The following MTUS1 variants were observed in gnomAD, a reference collection of about 807,000 sequenced individuals.
MTUS1 encodes microtubule-associated tumor suppressor 1.
A neutral mutation model predicts 120.8 loss-of-function variants in MTUS1; 109 were observed. The ratio of observed to expected loss-of-function variants is 0.90; its 90% CI spans 0.77 to 1.06. MTUS1 has a LOEUF of 1.06. Among genes scored for constraint, MTUS1 ranks in the 50% least tolerant of loss-of-function variants. The pLI is 0.00. For synonymous variants in MTUS1, 737 were observed against 550.5 expected, an observed-to-expected ratio of 1.34 and a Z score of -4.74; for missense variants, 2,210 against 1,486.3, an observed-to-expected ratio of 1.49 and a Z score of -8.01.
chr8:17,695,283 A>G (rs145623527), intron 6 of MTUS1, among the ~76,000 whole-genome samples: 67 of 152,332 alleles, frequency 4.4e-4, no homozygotes, highest in African/African-American at 1.3e-3. Context: ...GGATCTAACA[A>G]AATTACAGCA....
intron 1 of MTUS1, among the ~76,000 whole-genome samples, chr8:17,788,068 C>T (rs1251814974): frequency 6.6e-6 from 1 of 152,122 alleles, no homozygotes; most frequent in Non-Finnish European, 1.5e-5. Context: ...TTGCAGTGAG[C>T]CGAGATCGTG....
intron 4 of MTUS1, chr8:17,722,521 G>A: frequency 3.0e-6 from 3 of 985,122 alleles, no homozygotes; most frequent in South Asian, 9.4e-5. Context: ...TTAATTGCAA[G>A]TCACATATCC....
In MTUS1 at chr8:17,657,074, A is replaced by G. The variant is rs572781312; in HGVS notation, c.2906-1009T>C. On this transcript the variant is annotated intron_variant, in intron 8 of 14. Coordinates refer to ENST00000693296, the MANE Select transcript of MTUS1 (RefSeq NM_001363059.2). The stretch of plus-strand genomic sequence containing the variant: ...ATTCTGTCTCAAAAAAAAAAAAAAA[A>G]AAAAAAAGAAACAAGTGGACCTTAA... 2.7e-4 allele frequency among the ~76,000 whole-genome samples: 40 copies of G among 150,942 alleles called. 1 individual carries two copies. Among genetic ancestry groups the G allele is most frequent in the African/African-American group, 8.0e-4 (33 of 41,256 alleles).
At position 17,697,548 on chromosome 8, in the gene MTUS1, G is replaced by A. The variant is rs557880509; in HGVS notation, c.2624-13006C>T. 637 of 1,384,290 alleles carry A rather than the reference G, an allele frequency of 4.6e-4. 1 individual carries two copies. The highest frequency in any genetic ancestry group is 5.8e-4 in the Non-Finnish European group (617 of 1,069,354). The allele number at this position is 1,384,290 out of a possible 1,614,324, so 85.8% of individuals were successfully genotyped here. ...AGGCATAGAAGAAAAAAATCCCCCAGGGCTGGCCAAGTGTTTCTGGCTTCC... is the reference window on the plus strand; with the variant it reads ...AGGCATAGAAGAAAAAAATCCCCCAAGGCTGGCCAAGTGTTTCTGGCTTCC... On this transcript the variant is annotated intron_variant, in intron 6 of 14. Coordinates refer to ENST00000693296, the MANE Select transcript of MTUS1 (RefSeq NM_001363059.2).
At chr8:17,727,173 G>A (rs139707796) in intron 3 of MTUS1, among the ~76,000 whole-genome samples, 2 of 152,238 alleles carry the variant, frequency 1.3e-5, no homozygotes, top group Admixed American at 6.5e-5. Context: ...CTTGACTAAT[G>A]AGCAATGAGG....
At chr8:17,769,504 C>T (rs1394362708) in intron 1 of MTUS1, among the ~76,000 whole-genome samples, 3 of 150,690 alleles carry the variant, frequency 2.0e-5, no homozygotes, top group South Asian at 2.1e-4. Flanking sequence ...CCCGCCACCA[C>T]GCCCAGATAA....
rs1340490997 is a variant in MTUS1 at position 17,649,933 on chromosome 8, C to G, written c.3414G>C (p.Gln1138His). The change falls in exon 13 of 15, where the codon CAG becomes CAC. Residue 1138 changes from glutamine (Q) to histidine (H), a missense_variant. Physicochemically the swap from Gln to His is conservative, Grantham distance 24. Transcript: ENST00000693296. Reference sequence around the variant, plus strand: ...ACACAGCTTTCAGGCTTTCTAACTCCTGTTCTAGATACATGATCTGAGGAT... The same window carrying G: ...ACACAGCTTTCAGGCTTTCTAACTCGTGTTCTAGATACATGATCTGAGGAT... ...LKNPQIMYLE[Q>H]ELESLKAVLE... is the part of the protein sequence containing the mutation. 1.9e-6 allele frequency: 3 copies of G among 1,608,522 alleles called. No individual in the cohort carries two copies. Among genetic ancestry groups the G allele is most frequent in the African/African-American group, 2.7e-5 (2 of 74,766 alleles).
chr8:17,736,106 C>T (rs1313658642), intron 3 of MTUS1, among the ~76,000 whole-genome samples: 1 of 152,306 alleles, frequency 6.6e-6, no homozygotes, highest in East Asian at 1.9e-4. Context: ...ACTCTAAGCA[C>T]TTCTTGAATG....
intron 1 of MTUS1, among the ~76,000 whole-genome samples, chr8:17,775,434 C>T (rs385586): frequency 0.24 from 35,707 of 151,880 alleles, 4,593 homozygotes; most frequent in South Asian, 0.52. Context: ...ACCTCAAATG[C>T]TAAATCCTCA....
chr8:17,749,422 GC>G (rs2048015062), intron 2 of MTUS1, among the ~76,000 whole-genome samples: 1 of 152,062 alleles, frequency 6.6e-6, no homozygotes, highest in Non-Finnish European at 1.5e-5. Flanking sequence ...ACTTTGAGAA[GC>G]CGAGGTGGGC....
chr8:17,670,690 G>T (rs1470212002), intron 8 of MTUS1, among the ~76,000 whole-genome samples: 1 of 152,092 alleles, frequency 6.6e-6, no homozygotes, highest in Non-Finnish European at 1.5e-5. Context: ...CAGCATGGTG[G>T]TATGCACCTA....
chr8:17,748,711 C>G (rs74931030), intron 2 of MTUS1, among the ~76,000 whole-genome samples: 1 of 151,662 alleles, frequency 6.6e-6, no homozygotes, highest in Admixed American at 6.6e-5. Context: ...CACTCCTGCC[C>G]GCAAGAGGTT....
chr8:17,740,521 T>C (rs2047238476), intron 3 of MTUS1, among the ~76,000 whole-genome samples: 1 of 152,228 alleles, frequency 6.6e-6, no homozygotes, highest in African/African-American at 2.4e-5. Flanking sequence ...GCACATTGTT[T>C]CTGCTCCTTG....
At chr8:17,721,310 C>A (rs2937887) in intron 4 of MTUS1, among the ~76,000 whole-genome samples, 1 of 152,132 alleles carries the variant, frequency 6.6e-6, no homozygotes, top group African/African-American at 2.4e-5. Flanking sequence ...TTAATACTTT[C>A]AGTTACAACT....
intron 3 of MTUS1, among the ~76,000 whole-genome samples, chr8:17,732,124 G>A (rs1041551197): frequency 2.0e-5 from 3 of 152,264 alleles, no homozygotes; most frequent in Non-Finnish European, 2.9e-5. Context: ...GGATGCACAC[G>A]GAACTCCTAG....
At chr8:17,760,448 C>T (rs1265738020) in intron 1 of MTUS1, among the ~76,000 whole-genome samples, 1 of 152,076 alleles carries the variant, frequency 6.6e-6, no homozygotes, top group Admixed American at 6.6e-5. Flanking sequence ...ATCAACCTCA[C>T]CATTCATGAA....
intron 6 of MTUS1, among the ~76,000 whole-genome samples, chr8:17,708,480 T>C (rs1820599436): frequency 6.6e-6 from 1 of 152,198 alleles, no homozygotes; most frequent in Non-Finnish European, 1.5e-5. Context: ...AGAAACAGGA[T>C]TCTTCATACA....
rs563871401 is a variant in MTUS1 at position 17,740,501 on chromosome 8, G to A, written c.2287+3103C>T. Among the ~76,000 whole-genome samples, 5 of 152,224 alleles carry A rather than the reference G, an allele frequency of 3.3e-5. No homozygotes were observed. In the South Asian group the frequency reaches 1.0e-3, roughly 32 times the overall value. On this transcript the variant is annotated intron_variant, in intron 3 of 14. Transcript: ENST00000693296. ...ACAATCAATGGCAACAGGATCACGG[G>A]GATCTAAAAGCACATTGTTTCTGCT... is the stretch of plus-strand genomic sequence containing the variant.
chr8:17,645,902 G>A lies in MTUS1; in HGVS notation c.*24C>T, dbSNP rs758253965. The A allele has an allele frequency of 1.2e-6, 2 of 1,601,242 alleles. No homozygotes were observed. The highest frequency in any genetic ancestry group is 1.7e-6 in the Non-Finnish European group (2 of 1,174,926). ...AGACCTGCATCAAAATGCTTTCAGA[G>A]AGTCTGTGGACTTTGGGGAGGTGTC... On this transcript the variant is annotated 3_prime_UTR_variant, in exon 15 of 15. Transcript: ENST00000693296.
Sources: allele counts gnomAD v4.1 joint callset (sites outside exome capture counted in the v4.1 genomes callset), GRCh38; gene constraint gnomAD v4.1.1; transcripts MANE v1.5; gene names NCBI Gene and HGNC (gene_info 2026-07-23, HGNC 2026-07-21).